The following NXPE1 variants were observed in gnomAD, a reference collection of about 807,000 sequenced individuals.
NXPE1 encodes neurexophilin and PC-esterase domain family member 1.
Under a neutral mutation model 33.3 loss-of-function variants are expected in NXPE1, and 31 were observed. That is an observed-to-expected ratio of 0.93 (90% CI 0.70 to 1.26). The LOEUF (loss-of-function observed/expected upper bound fraction) is 1.26. Among genes scored for constraint, NXPE1 ranks in the 50% most tolerant of loss-of-function variants. NXPE1 has a pLI of 0.00. For synonymous variants in NXPE1, 229 were observed against 231.4 expected (o/e 0.99, Z 0.09); for missense variants, 661 against 655.6 (o/e 1.01, Z -0.09).
At position 114,552,492 on chromosome 11, in the gene NXPE1, A is replaced by G. The variant is rs140371472; in HGVS notation, c.-182+360T>C. The stretch of plus-strand genomic sequence containing the variant: ...TATTTGTTGAATAAATAATTTCAAA[A>G]CAGAATCCCGATTTTTAGACCAACT... On this transcript the variant is annotated intron_variant, in intron 2 of 8. Coordinates refer to ENST00000534921, the Ensembl canonical transcript of NXPE1. Among the ~76,000 whole-genome samples, 1,269 of 152,204 alleles carry G rather than the reference A, an allele frequency of 8.3e-3. 18 individuals carry two copies. The highest frequency in any genetic ancestry group is 0.029 in the African/African-American group (1,184 of 41,516).
At chr11:114,524,419 G>T (rs1386260239) in intron 7 of NXPE1, among the ~76,000 whole-genome samples, 1 of 152,194 alleles carries the variant, frequency 6.6e-6, no homozygotes, top group South Asian at 2.1e-4. Flanking sequence ...TTACATGGTT[G>T]TATTGTATTT....
rs137950086 is a variant in NXPE1 at position 114,557,705 on chromosome 11, G to A, written c.-211+2093C>T. On this transcript the variant is annotated intron_variant, in intron 1 of 8. Coordinates refer to ENST00000534921, the Ensembl canonical transcript of NXPE1. Reference sequence around the variant, plus strand: ...TTGTTCATTTATATTTGTACATTTAGTTTCCTTCTTTTTCATTCTTCTTTG... The same window carrying A: ...TTGTTCATTTATATTTGTACATTTAATTTCCTTCTTTTTCATTCTTCTTTG... Among the ~76,000 whole-genome samples the A allele has an allele frequency of 7.9e-5, 11 of 139,964 alleles. No homozygotes were observed. In the East Asian group the frequency reaches 2.3e-3, roughly 29 times the overall value. The allele number at this position is 139,964 out of a possible 152,430, so 91.8% of individuals were successfully genotyped here.
chr11:114,556,285 A>G (rs1230863470), intron 1 of NXPE1, among the ~76,000 whole-genome samples: 1 of 152,222 alleles, frequency 6.6e-6, no homozygotes, highest in Non-Finnish European at 1.5e-5. Flanking sequence ...CTGGAACTCA[A>G]AACCTACAAA....
intron 7 of NXPE1, 141 bp from the exon 8 acceptor site, chr11:114,523,232 C>G (rs530055820): frequency 3.2e-6 from 2 of 631,630 alleles, no homozygotes; most frequent in East Asian, 5.4e-5. Context: ...TAGTCCTATT[C>G]TTTGATCATT....
chr11:114,528,041 T>G, intron 6 of NXPE1, 140 bp from the exon 7 acceptor site: 1 of 587,222 alleles, frequency 1.7e-6, no homozygotes, highest in South Asian at 2.6e-5. Context: ...TTTAGATATA[T>G]TGGGTATTGT....
At chr11:114,552,736 T>C (rs76388027) in intron 2 of NXPE1, 116 bp downstream of exon 2, 1 of 221,204 alleles carries the variant, frequency 4.5e-6, no homozygotes, top group South Asian at 1.6e-4. Flanking sequence ...CGTATGGATA[T>C]GTTTCAGCAG....
At chr11:114,545,646 T>C (rs1404613791) in intron 5 of NXPE1, among the ~76,000 whole-genome samples, 3 of 151,932 alleles carry the variant, frequency 2.0e-5, no homozygotes, top group African/African-American at 7.3e-5. Context: ...TGTGTATACA[T>C]GAAACTGCAA....
chr11:114,537,027 C>T (rs533381121), intron 5 of NXPE1, among the ~76,000 whole-genome samples: 29 of 152,068 alleles, frequency 1.9e-4, no homozygotes, highest in East Asian at 7.7e-4. Flanking sequence ...TGCAAAAATC[C>T]GCAATAAAAT....
At chr11:114,528,994 A>G in intron 6 of NXPE1, 1 of 418,014 alleles carries the variant, frequency 2.4e-6, no homozygotes, top group Non-Finnish European at 4.3e-6. Context: ...GCCAGGGACT[A>G]TAGATCAGGA....
chr11:114,522,161 T>G (rs1202263272), exon 9 of NXPE1: 16 of 1,614,060 alleles, frequency 9.9e-6, no homozygotes, highest in Non-Finnish European at 1.3e-5. Context: ...TGTCTCTATG[T>G]GCATCTCCCT....
intron 5 of NXPE1, among the ~76,000 whole-genome samples, chr11:114,547,228 A>T (rs2135087524): frequency 6.6e-6 from 1 of 152,330 alleles, no homozygotes; most frequent in Non-Finnish European, 1.5e-5. Flanking sequence ...CAGTGATGTC[A>T]TATTGACAGC....
At chr11:114,546,736 G>C (rs1223120862) in intron 5 of NXPE1, among the ~76,000 whole-genome samples, 2 of 152,064 alleles carry the variant, frequency 1.3e-5, no homozygotes, top group Non-Finnish European at 2.9e-5. Flanking sequence ...TTGGATAAAC[G>C]GCTGATTCTA....
chr11:114,528,723 G>A, intron 6 of NXPE1: 1 of 542,294 alleles, frequency 1.8e-6, no homozygotes. Context: ...GGCCATGAAA[G>A]TGGAGGAAGG....
intron 5 of NXPE1, among the ~76,000 whole-genome samples, chr11:114,548,217 A>G (rs1241828098): frequency 1.3e-5 from 2 of 152,142 alleles, no homozygotes; most frequent in African/African-American, 4.8e-5. Flanking sequence ...ATACTTAGAG[A>G]AATTCACTTT....
intron 4 of NXPE1, 37 bp downstream of exon 4, chr11:114,551,346 C>T (rs76698432): frequency 1.4e-6 from 2 of 1,408,550 alleles, no homozygotes; most frequent in Non-Finnish European, 1.9e-6. Flanking sequence ...TTTCCCTCTG[C>T]TAACTAACAA....
intron 5 of NXPE1, among the ~76,000 whole-genome samples, chr11:114,539,002 C>T (rs1216927147): frequency 6.9e-6 from 1 of 145,962 alleles, no homozygotes; most frequent in Non-Finnish European, 1.5e-5. Context: ...TATTGAGGCA[C>T]TATTCACAAT....
chr11:114,537,992 CA>C (rs1947907748), intron 5 of NXPE1, among the ~76,000 whole-genome samples: 1 of 152,188 alleles, frequency 6.6e-6, no homozygotes, highest in African/African-American at 2.4e-5. Context: ...GCCAAAAGAA[CA>C]AAGCTGGAGG....
intron 7 of NXPE1, among the ~76,000 whole-genome samples, chr11:114,525,638 C>T (rs994128339): frequency 1.3e-5 from 2 of 152,222 alleles, no homozygotes; most frequent in African/African-American, 4.8e-5. Context: ...CTGTGCAGCA[C>T]AGTGAAGGTC....
At chr11:114,534,599 T>C (rs534528342) in intron 5 of NXPE1, among the ~76,000 whole-genome samples, 1 of 152,156 alleles carries the variant, frequency 6.6e-6, no homozygotes, top group Non-Finnish European at 1.5e-5. Context: ...AAGGACCTGA[T>C]GGAGCTGAAA....
Sources: allele counts gnomAD v4.1 joint callset (sites outside exome capture counted in the v4.1 genomes callset), GRCh38; gene constraint gnomAD v4.1.1; transcripts MANE v1.5; gene names NCBI Gene and HGNC (gene_info 2026-07-23, HGNC 2026-07-21).